Variants in MROH1 observed in about 807,000 individuals in gnomAD.
The protein encoded by MROH1 is maestro heat like repeat family member 1, also known as maestro heat-like repeat-containing protein family member 1.
In MROH1, 117 loss-of-function variants were observed where a neutral mutation model predicts 116.5. The ratio of observed to expected loss-of-function variants is 1.00; its 90% CI spans 0.86 to 1.17. The LOEUF is 1.17. MROH1 is among the 50% of genes most tolerant of loss of function. The probability of loss-of-function intolerance (pLI) is 0.00; values close to 1 mark genes in which losing one functional copy is unlikely to be tolerated. For missense variants in MROH1, 1,873 were observed against 1,338.5 expected (o/e 1.40, Z -6.23); for synonymous variants, 921 against 583.9 (o/e 1.58, Z -8.32).
chr8:144,160,397 C>T (rs1355686673), intron 1 of MROH1, among the ~76,000 whole-genome samples: 3 of 152,226 alleles, frequency 2.0e-5, no homozygotes, highest in Non-Finnish European at 4.4e-5. Flanking sequence ...TGTTGCTTCT[C>T]CTAATCCCTT....
chr8:144,161,683 C>T (rs935042585), intron 2 of MROH1, among the ~76,000 whole-genome samples: 2 of 152,226 alleles, frequency 1.3e-5, no homozygotes, highest in Admixed American at 6.5e-5. Flanking sequence ...CGGGAGCAGG[C>T]AAGTCCAAGT....
intron 7 of MROH1, among the ~76,000 whole-genome samples, chr8:144,181,858 G>A (rs555354935): frequency 2.0e-5 from 3 of 152,372 alleles, no homozygotes; most frequent in South Asian, 4.1e-4. Flanking sequence ...CCTCTGGGAA[G>A]TGGCCTGATC....
chr8:144,185,587 T>C (rs1199630134), intron 7 of MROH1, among the ~76,000 whole-genome samples: 50 of 29,950 alleles, frequency 1.7e-3, no homozygotes, highest in Non-Finnish European at 2.2e-3. Flanking sequence ...GCAGGGGCCT[T>C]GAGGGGATGT....
At chr8:144,153,084 A>G (rs1288650206) in intron 1 of MROH1, among the ~76,000 whole-genome samples, 2 of 152,184 alleles carry the variant, frequency 1.3e-5, no homozygotes, top group Non-Finnish European at 2.9e-5. Flanking sequence ...TCAACTCTTC[A>G]TAGAAGTTGG....
At position 144,233,497 on chromosome 8, in the gene MROH1, C is replaced by A. The variant is rs889478059; in HGVS notation, c.1339-5259C>A. 6.6e-4 allele frequency among the ~76,000 whole-genome samples: 99 copies of A among 151,086 alleles called. No individual in the cohort carries two copies. The South Asian group carries it at 0.01, about 15-fold the overall frequency. On this transcript the variant is annotated intron_variant, in intron 14 of 43. Transcript: ENST00000326134. ...TCTCTCCCGCAGCTCCTGCACCCCACCATCCACCTTCTCTCTCCCGCAGCT... is the reference window on the plus strand; with the variant it reads ...TCTCTCCCGCAGCTCCTGCACCCCAACATCCACCTTCTCTCTCCCGCAGCT...
intron 35 of MROH1, 64 bp downstream of exon 35, chr8:144,255,769 C>T (rs1028711970): frequency 1.1e-4 from 76 of 700,556 alleles, no homozygotes; most frequent in African/African-American, 1.4e-4. Flanking sequence ...CGTGTGCACG[C>T]GCGTGGTGGG....
At chr8:144,187,687 CCT>C (rs1168833707) in intron 7 of MROH1, among the ~76,000 whole-genome samples, 1 of 152,186 alleles carries the variant, frequency 6.6e-6, no homozygotes, top group African/African-American at 2.4e-5. Flanking sequence ...TCCCGCAGGG[CCT>C]GAGTCAACCA....
intron 1 of MROH1, among the ~76,000 whole-genome samples, chr8:144,150,550 G>A (rs1016637006): frequency 3.9e-5 from 6 of 152,212 alleles, no homozygotes; most frequent in South Asian, 2.1e-4. Flanking sequence ...TCCTCAGCAC[G>A]TCAGATGCTC....
rs1842663730 is a variant in MROH1 at position 144,250,445 on chromosome 8, C to T, written c.3428+79C>T. The T allele has an allele frequency of 1.8e-5, 13 of 704,978 alleles. No homozygotes were observed. In the Admixed American group the frequency reaches 2.4e-4, roughly 13 times the overall value. The allele number at this position is 704,978 out of a possible 1,614,324, so 43.7% of individuals were successfully genotyped here. ...GGAATGATGCTCCCCGAGCCCTCCA[C>T]CCGGCTCTGCACCCCGACTTTCTGC... On this transcript the variant is annotated intron_variant, in intron 33 of 43. Transcript: ENST00000326134.
rs1305311307 is a variant in MROH1, at chr8:144,200,560, G to T, written c.1141+19G>T. 16 of 1,523,082 alleles carry T rather than the reference G, an allele frequency of 1.1e-5. No individual in the cohort carries two copies. The highest frequency in any genetic ancestry group is 1.4e-5 in the Non-Finnish European group (16 of 1,122,896). 94.3% of individuals were successfully genotyped at this position (1,523,082 alleles called of 1,614,324 possible). On this transcript the variant is annotated intron_variant, in intron 12 of 43. Transcript: ENST00000326134. ...TCAGCTGGTGAGTGCCTCCATGCTA[G>T]CCTGGCCGCCACCCCTGGCCATGTC...
chr8:144,248,485 C>T (rs926595847), intron 31 of MROH1, among the ~76,000 whole-genome samples: 1 of 152,198 alleles, frequency 6.6e-6, no homozygotes, highest in Non-Finnish European at 1.5e-5. Context: ...TTTTCTGGTG[C>T]TGGGATCACA....
Position 144,261,747 on chromosome 8 carries a change from G to A in MROH1, c.*7G>A, listed in dbSNP as rs897819065. On this transcript the variant is annotated 3_prime_UTR_variant, in exon 44 of 44. Transcript: ENST00000326134. ...CCTGGTGAAGCTCGCCTAAGGCTCCGGCCAGCACCCCCAGCGAGGAGTATG... is the reference window on the plus strand; with the variant it reads ...CCTGGTGAAGCTCGCCTAAGGCTCCAGCCAGCACCCCCAGCGAGGAGTATG... The A allele has an allele frequency of 1.3e-5, 9 of 708,766 alleles. No homozygotes were observed. Among genetic ancestry groups the A allele is most frequent in the East Asian group, 8.0e-5 (3 of 37,538 alleles). 43.9% of individuals were successfully genotyped at this position (708,766 alleles called of 1,614,324 possible). A position where few individuals can be genotyped will look rare whatever the true frequency, so the allele number is the denominator to read the frequency against.
intron 1 of MROH1, among the ~76,000 whole-genome samples, chr8:144,155,096 A>G (rs1223164548): frequency 6.6e-6 from 1 of 152,050 alleles, no homozygotes; most frequent in Non-Finnish European, 1.5e-5. Context: ...GATTACAGGC[A>G]TGAGCCACCA....
rs913776018 is a variant in MROH1, at chr8:144,154,753, C to T, written c.-176-6217C>T. Among the ~76,000 whole-genome samples, 6 of 151,680 alleles carry T rather than the reference C, an allele frequency of 4.0e-5. No homozygotes were observed. In the East Asian group the frequency reaches 5.8e-4, roughly 15 times the overall value. On this transcript the variant is annotated intron_variant, in intron 1 of 43. Transcript: ENST00000326134. ...CATGATCTCAGCTTACTGCAACCTCCGCCTCCTGGGTTCAAGCAATTCTGC... is the reference window on the plus strand; with the variant it reads ...CATGATCTCAGCTTACTGCAACCTCTGCCTCCTGGGTTCAAGCAATTCTGC...
At chr8:144,206,088 C>T (rs550226238) in intron 12 of MROH1, among the ~76,000 whole-genome samples, 33 of 152,284 alleles carry the variant, frequency 2.2e-4, no homozygotes, top group East Asian at 5.8e-4. Context: ...TGTGCTCTGT[C>T]GCCCAGGCTG....
intron 10 of MROH1, 54 bp from the exon 11 acceptor site, chr8:144,199,068 A>C: frequency 6.5e-7 from 1 of 1,550,162 alleles, no homozygotes; most frequent in Non-Finnish European, 8.8e-7. Context: ...AGAGGGCGGG[A>C]ATCCTTCCTT....
At chr8:144,165,746 ATTTT>A (rs1201167849) in intron 3 of MROH1, among the ~76,000 whole-genome samples, 1 of 108,292 alleles carries the variant, frequency 9.2e-6, no homozygotes. Flanking sequence ...TAATTTTTGT[ATTTT>A]TTTTTTTTTT....
At chr8:144,221,261 A>G (rs935901847) in intron 13 of MROH1, among the ~76,000 whole-genome samples, 1 of 152,144 alleles carries the variant, frequency 6.6e-6, no homozygotes, top group East Asian at 1.9e-4. Flanking sequence ...CGTGGCCCGT[A>G]GCCTCCACCT....
In MROH1 at chr8:144,260,228, G is replaced by A. The variant is rs1304337842; in HGVS notation, c.4234G>A (p.Gly1412Arg). The A allele has an allele frequency of 2.6e-5, 20 of 765,760 alleles. 1 individual carries two copies. Among genetic ancestry groups the A allele is most frequent in the South Asian group, 1.5e-4 (11 of 74,546 alleles). The allele number at this position is 765,760 out of a possible 1,614,324, so 47.4% of individuals were successfully genotyped here. Residue 1412 changes from glycine (G) to arginine (R), a missense_variant, in exon 39 of 44, where the codon GGG (glycine) becomes AGG (arginine). Coordinates refer to ENST00000326134, the MANE Select transcript of MROH1 (RefSeq NM_032450.3). ...GPQLLTAMIG[G>R]LDDGDNPHSP... The stretch of plus-strand genomic sequence containing the variant: ...CCAGCTCCTCACAGCCATGATTGGC[G>A]GGCTGGACGACGGGGACAACCCTCA...
Sources: gnomAD v4.1 joint callset for allele counts (sites outside exome capture counted in the v4.1 genomes callset) on GRCh38, gnomAD v4.1.1 for gene constraint, MANE v1.5 for transcripts, NCBI Gene and HGNC (gene_info 2026-07-23, HGNC 2026-07-21) for gene names.